The following STRN3 variants were observed in gnomAD, a reference collection of about 807,000 sequenced individuals.
STRN3 encodes the protein striatin 3.
STRN3 carries 29 observed loss-of-function variants against 95.6 expected under a neutral mutation model. The observed-to-expected ratio is 0.30, with a 90% CI of 0.23 to 0.41. STRN3 has a LOEUF of 0.41. Among genes scored for constraint, STRN3 ranks in the 10% least tolerant of loss-of-function variants. The probability of loss-of-function intolerance (pLI) is 1.00; values close to 1 mark genes in which losing one functional copy is unlikely to be tolerated. For missense variants in STRN3, 890 were observed against 972.1 expected (o/e 0.92, Z 1.12); for synonymous variants, 331 against 357.6 (o/e 0.93, Z 0.84).
chr14:30,924,287 C>CTGTTTTTT (rs1896960150), intron 8 of STRN3, among the ~76,000 whole-genome samples: 1 of 77,228 alleles, frequency 1.3e-5, no homozygotes, highest in South Asian at 5.2e-4. Context: ...TGCCTTAAAT[C>CTGTTTTTT]TTTTTTTTTT....
intron 1 of STRN3, among the ~76,000 whole-genome samples, chr14:30,987,094 C>T (rs1881728109): frequency 6.6e-6 from 1 of 152,148 alleles, no homozygotes; most frequent in Admixed American, 6.5e-5. Flanking sequence ...GTCCTTTAAA[C>T]ACACTTACTA....
chr14:30,996,814 C>T (rs923027340), intron 1 of STRN3, among the ~76,000 whole-genome samples: 2 of 148,206 alleles, frequency 1.3e-5, no homozygotes, highest in East Asian at 1.9e-4. Flanking sequence ...TGCAGTGAGC[C>T]GAGATCGTGC....
At chr14:30,984,123 C>A in intron 1 of STRN3, among the ~76,000 whole-genome samples, 1 of 72,806 alleles carries the variant, frequency 1.4e-5, no homozygotes, top group Admixed American at 1.5e-4. Context: ...ATGGCATCTT[C>A]CCCGCCCCCC....
At chr14:30,953,865 A>C (rs533468843) in intron 3 of STRN3, among the ~76,000 whole-genome samples, 2 of 152,276 alleles carry the variant, frequency 1.3e-5, no homozygotes, top group South Asian at 4.1e-4. Flanking sequence ...CCTGGGATCA[A>C]GTGATCCAAC....
chr14:31,000,350 A>G (rs1460478352), intron 1 of STRN3, among the ~76,000 whole-genome samples: 4 of 152,126 alleles, frequency 2.6e-5, no homozygotes, highest in Admixed American at 1.3e-4. Flanking sequence ...AGAGGGACAT[A>G]ACTTGTAGCA....
At chr14:30,987,273 C>T (rs1358918160) in intron 1 of STRN3, among the ~76,000 whole-genome samples, 6 of 152,058 alleles carry the variant, frequency 3.9e-5, no homozygotes, top group Non-Finnish European at 5.9e-5. Context: ...TTTGGGAGGC[C>T]GAGGCAGGCG....
At chr14:30,973,772 C>T (rs958399257) in intron 1 of STRN3, among the ~76,000 whole-genome samples, 5 of 152,114 alleles carry the variant, frequency 3.3e-5, no homozygotes, top group African/African-American at 7.2e-5. Flanking sequence ...AATTACACAT[C>T]GTGACCAAGA....
chr14:30,901,880 T>C (rs1171908190), intron 16 of STRN3, among the ~76,000 whole-genome samples: 4 of 151,862 alleles, frequency 2.6e-5, no homozygotes, highest in Admixed American at 1.3e-4. Context: ...TAAGAACATA[T>C]TGGACGACCG....
chr14:30,932,286 T>A (rs775579007), intron 7 of STRN3: 1 of 151,704 alleles, frequency 6.6e-6, no homozygotes, highest in Non-Finnish European at 1.5e-5. Context: ...AAAAAAAAAA[T>A]CTGAAAGCTA....
At chr14:30,916,909 T>TC (rs1896754615) in intron 9 of STRN3, among the ~76,000 whole-genome samples, 2 of 152,218 alleles carry the variant, frequency 1.3e-5, no homozygotes, top group African/African-American at 4.8e-5. Context: ...GAACTCTTTT[T>TC]CCCAAGAACT....
intron 1 of STRN3, among the ~76,000 whole-genome samples, chr14:30,956,845 C>G (rs1879930890): frequency 6.6e-6 from 1 of 152,172 alleles, no homozygotes; most frequent in Non-Finnish European, 1.5e-5. Flanking sequence ...ACTTCAAAAG[C>G]TTTTCTTGAA....
intron 16 of STRN3, among the ~76,000 whole-genome samples, chr14:30,901,485 A>C (rs559044501): frequency 6.6e-6 from 1 of 152,338 alleles, no homozygotes; most frequent in East Asian, 1.9e-4. Context: ...ATCTTCAAAG[A>C]GAAACCTATA....
At chr14:30,971,673 A>G (rs917744115) in intron 1 of STRN3, among the ~76,000 whole-genome samples, 1 of 152,208 alleles carries the variant, frequency 6.6e-6, no homozygotes, top group Admixed American at 6.5e-5. Flanking sequence ...CACCGCCCCT[A>G]ATAAAAGTAT....
At chr14:30,968,231 G>C (rs1880633066) in intron 1 of STRN3, among the ~76,000 whole-genome samples, 1 of 149,582 alleles carries the variant, frequency 6.7e-6, no homozygotes, top group African/African-American at 2.5e-5. Context: ...TATGGCCTTA[G>C]ACAGTCTAGT....
intron 5 of STRN3, among the ~76,000 whole-genome samples, chr14:30,944,245 C>T (rs1207162411): frequency 2.0e-5 from 3 of 151,936 alleles, no homozygotes; most frequent in East Asian, 1.9e-4. Context: ...CTATGAACTA[C>T]GTGGGTGACC....
chr14:30,973,554 C>G (rs1880942064), intron 1 of STRN3, among the ~76,000 whole-genome samples: 1 of 152,150 alleles, frequency 6.6e-6, no homozygotes, highest in Admixed American at 6.5e-5. Context: ...ATTTAAATAA[C>G]TAACACCAAT....
chr14:30,901,766 C>T (rs560018350), intron 16 of STRN3, among the ~76,000 whole-genome samples: 8 of 152,156 alleles, frequency 5.3e-5, no homozygotes, highest in Admixed American at 3.3e-4. Context: ...AAATCTGATT[C>T]GACTTCAATA....
intron 8 of STRN3, among the ~76,000 whole-genome samples, chr14:30,921,149 ACC>A (rs1896875702): frequency 1.3e-5 from 2 of 151,320 alleles, no homozygotes; most frequent in Non-Finnish European, 1.5e-5. Flanking sequence ...TCCAAATTCT[ACC>A]CATTCCTCCA....
At chr14:31,019,933 G>A (rs1883425231) in intron 1 of STRN3, among the ~76,000 whole-genome samples, 1 of 147,200 alleles carries the variant, frequency 6.8e-6, no homozygotes, top group Non-Finnish European at 1.5e-5. Flanking sequence ...CTGTTGCCCA[G>A]GCTGGTCTCC....
Sources: allele counts gnomAD v4.1 joint callset (sites outside exome capture counted in the v4.1 genomes callset), GRCh38; gene constraint gnomAD v4.1.1; transcripts MANE v1.5; gene names NCBI Gene and HGNC (gene_info 2026-07-23, HGNC 2026-07-21).